Variants in PHF5A observed in about 807,000 individuals in gnomAD.
PHF5A encodes PHD finger-like domain-containing protein 5A.
For synonymous variants in PHF5A, 52 were observed against 46.0 expected (o/e 1.13, Z -0.52); for missense variants, 24 against 140.6 (o/e 0.17, Z 4.19).
intron 2 of PHF5A, chr22:41,467,872 T>C: frequency 1.6e-6 from 1 of 607,328 alleles, no homozygotes. Flanking sequence ...GTATAATTGC[T>C]GGCAAAGTGC....
At chr22:41,463,850 T>G (rs2037845953) in intron 3 of PHF5A, among the ~76,000 whole-genome samples, 1 of 150,998 alleles carries the variant, frequency 6.6e-6, no homozygotes, top group African/African-American at 2.4e-5. Flanking sequence ...GCCGAGATCG[T>G]GCCATTGCAC....
In PHF5A at chr22:41,468,166, T is replaced by C; in HGVS notation, c.53-19A>G. 1.2e-6 allele frequency: 2 copies of C among 1,613,466 alleles called. No individual in the cohort carries two copies. Among genetic ancestry groups the C allele is most frequent in the South Asian group, 1.1e-5 (1 of 91,042 alleles). On this transcript the variant is annotated intron_variant, in intron 1 of 3. Coordinates refer to ENST00000216252, the MANE Select transcript of PHF5A (RefSeq NM_032758.4). Reference sequence around the variant, plus strand: ...CCGATGGCTGCAAGATGAAAGATGGTAAAAAGTACAATTAGAATAAAGGTT... The same window carrying C: ...CCGATGGCTGCAAGATGAAAGATGGCAAAAAGTACAATTAGAATAAAGGTT...
chr22:41,468,224 G>A, intron 1 of PHF5A, 77 bp from the exon 2 acceptor site: 3 of 1,466,496 alleles, frequency 2.0e-6, no homozygotes, highest in Non-Finnish European at 2.9e-6. Flanking sequence ...CCTCGAGCTG[G>A]GGGTAGGGAC....
chr22:41,460,894 C>T (rs559282108), intron 3 of PHF5A, among the ~76,000 whole-genome samples: 5 of 152,062 alleles, frequency 3.3e-5, no homozygotes, highest in Admixed American at 6.6e-5. Flanking sequence ...ATTTATAGGC[C>T]GGGCACGGTG....
chr22:41,462,319 T>C (rs1205511575), intron 3 of PHF5A, among the ~76,000 whole-genome samples: 1 of 152,226 alleles, frequency 6.6e-6, no homozygotes, highest in African/African-American at 2.4e-5. Context: ...TATGAATTAA[T>C]CAAGTCCTTA....
In PHF5A at chr22:41,459,869, A is replaced by T. The variant is rs1337126564; in HGVS notation, c.*529T>A. 1 of 149,984 alleles carries T rather than the reference A, an allele frequency of 6.7e-6. No homozygotes were observed. The highest frequency in any genetic ancestry group is 1.5e-5 in the Non-Finnish European group (1 of 67,584). The allele number at this position is 149,984 out of a possible 1,614,324, so 9.3% of individuals were successfully genotyped here. On this transcript the variant is annotated 3_prime_UTR_variant, in exon 4 of 4. Transcript: ENST00000216252. ...CACTGTAGCTGGACAAGTGTTAAAC[A>T]AGTAAATGCCTTTCAAGAGGGCAGA...
chr22:41,460,538 T>G, intron 3 of PHF5A, 51 bp from the exon 4 acceptor site: 1 of 1,457,192 alleles, frequency 6.9e-7, no homozygotes, highest in Non-Finnish European at 9.5e-7. Context: ...GAACCAAGAG[T>G]GACTTAAGAT....
rs148099525 is a variant in PHF5A, at chr22:41,467,448, G to A, written c.243C>T (p.Asp81=). 20 of 1,613,620 alleles carry A rather than the reference G, an allele frequency of 1.2e-5. No individual in the cohort carries two copies. The highest frequency in any genetic ancestry group is 5.3e-5 in the African/African-American group (4 of 74,902). Residue 81 remains aspartate (D), a splice_region_variant and synonymous_variant, in exon 3 of 4, where the codon GAC becomes GAT. Coordinates refer to ENST00000216252, the MANE Select transcript of PHF5A (RefSeq NM_032758.4). The stretch of plus-strand genomic sequence containing the variant: ...GTCAGATGGAAAGCTGTACACTTAC[G>A]TCCTTCTCCTGGATGGTGCACTCCT... ...YCKECTIQEK[D]RDGCPKIVNL...
intron 2 of PHF5A, 59 bp from the exon 3 acceptor site, chr22:41,467,673 C>A: frequency 6.4e-7 from 1 of 1,569,890 alleles, no homozygotes; most frequent in Admixed American, 1.7e-5. Context: ...CTATCTCCTG[C>A]CATGGGGAAA....
At chr22:41,461,891 G>C (rs576296292) in intron 3 of PHF5A, among the ~76,000 whole-genome samples, 2 of 152,104 alleles carry the variant, frequency 1.3e-5, no homozygotes, top group Non-Finnish European at 2.9e-5. Context: ...TTGATCTCTT[G>C]ACCTCCTGAT....
At position 41,467,589 on chromosome 22, in the gene PHF5A, G is replaced by A; in HGVS notation, c.102C>T (p.Asp34=). The change falls in exon 3 of 4, where the codon GAC becomes GAT. Residue 34 remains aspartate (D), a synonymous_variant. Coordinates refer to ENST00000216252, the MANE Select transcript of PHF5A (RefSeq NM_032758.4). ...CCAGAGTGCAGGGACGCACATAGGA[G>A]TCACAAATCACACACTTGCCATCAC... ...EKCDGKCVIC[D]SYVRPCTLVR... The A allele has an allele frequency of 6.2e-7, 1 of 1,614,164 alleles. No individual in the cohort carries two copies. The highest frequency in any genetic ancestry group is 1.1e-5 in the South Asian group (1 of 91,084).
At chr22:41,468,003 A>G in intron 2 of PHF5A, 121 bp downstream of exon 2, 2 of 1,036,332 alleles carry the variant, frequency 1.9e-6, no homozygotes, top group East Asian at 4.9e-5. Context: ...AAAGTGCAGC[A>G]TTCAGTGTTC....
chr22:41,466,244 C>T (rs1020286841), intron 3 of PHF5A, among the ~76,000 whole-genome samples: 5 of 151,934 alleles, frequency 3.3e-5, no homozygotes, highest in South Asian at 4.2e-4. Flanking sequence ...CAATACTAAC[C>T]GAAAAAAATG....
chr22:41,461,855 G>A (rs1568993867), intron 3 of PHF5A, among the ~76,000 whole-genome samples: 3 of 152,002 alleles, frequency 2.0e-5, no homozygotes, highest in Admixed American at 2.0e-4. Context: ...TAAAGATGGG[G>A]TTTCACCATG....
intron 1 of PHF5A, 110 bp downstream of exon 1, chr22:41,468,492 G>A (rs1601868976): frequency 7.9e-7 from 1 of 1,272,434 alleles, no homozygotes; most frequent in South Asian, 1.2e-5. Context: ...TGAGAGGCGG[G>A]AAACGTGGCG....
chr22:41,461,154 CAA>C (rs928431162), intron 3 of PHF5A, among the ~76,000 whole-genome samples: 1 of 151,980 alleles, frequency 6.6e-6, no homozygotes, highest in Non-Finnish European at 1.5e-5. Context: ...GCCTGGGTAA[CAA>C]GAGAGAAACT....
intron 2 of PHF5A, 109 bp downstream of exon 2, chr22:41,468,015 C>A: frequency 1.7e-6 from 2 of 1,192,232 alleles, no homozygotes; most frequent in Admixed American, 3.8e-5. Context: ...TCAGTGTTCA[C>A]ATACTTCCAG....
chr22:41,463,557 C>G (rs953576094), intron 3 of PHF5A, among the ~76,000 whole-genome samples: 1 of 151,122 alleles, frequency 6.6e-6, no homozygotes, highest in Non-Finnish European at 1.5e-5. Flanking sequence ...GAAACTCTGT[C>G]TCTACTAAAA....
In PHF5A at chr22:41,468,500, G is replaced by C; in HGVS notation, c.52+102C>G. The C allele has an allele frequency of 2.3e-6, 3 of 1,318,670 alleles. No homozygotes were observed. In the East Asian group the frequency reaches 7.0e-5, roughly 31 times the overall value. The allele number at this position is 1,318,670 out of a possible 1,614,324, so 81.7% of individuals were successfully genotyped here. ...CCGCGCCTGAGAGGCGGGAAACGTGGCGCCTGCGAGGCAAGCCCCTAAGGA... is the reference window on the plus strand; with the variant it reads ...CCGCGCCTGAGAGGCGGGAAACGTGCCGCCTGCGAGGCAAGCCCCTAAGGA... On this transcript the variant is annotated intron_variant, in intron 1 of 3. Transcript: ENST00000216252.
Sources: allele counts gnomAD v4.1 joint callset (sites outside exome capture counted in the v4.1 genomes callset), GRCh38; gene constraint gnomAD v4.1.1; transcripts MANE v1.5; gene names NCBI Gene and HGNC (gene_info 2026-07-23, HGNC 2026-07-21).